Variants in CLTCL1 observed in about 807,000 individuals in gnomAD.
The protein encoded by CLTCL1 is clathrin heavy chain 2.
In CLTCL1, 159 loss-of-function variants were observed where a neutral mutation model predicts 190.0. The ratio of observed to expected loss-of-function variants is 0.84; its 90% confidence interval spans 0.74 to 0.95. The LOEUF (loss-of-function observed/expected upper bound fraction) is 0.95. CLTCL1 is among the 40% of genes least tolerant of loss of function. CLTCL1 has a pLI of 0.00. For missense variants in CLTCL1, 1,878 were observed against 2,033.4 expected, an observed-to-expected ratio of 0.92 and a Z score of 1.47; for synonymous variants, 752 against 769.6, an observed-to-expected ratio of 0.98 and a Z score of 0.38.
intron 1 of CLTCL1, among the ~76,000 whole-genome samples, chr22:19,283,135 G>C (rs1416095370): frequency 2.4e-4 from 36 of 151,472 alleles, no homozygotes; most frequent in African/African-American, 8.5e-4. Context: ...GCCTCCCAAA[G>C]TGCTGGGATT....
chr22:19,216,036 T>C (rs1423762068), intron 19 of CLTCL1, 75 bp downstream of exon 19: 2 of 1,449,666 alleles, frequency 1.4e-6, no homozygotes, highest in South Asian at 1.3e-5. Flanking sequence ...CGGTACGAGA[T>C]TGTAACAGAA....
intron 2 of CLTCL1, chr22:19,258,825 C>T (rs192096028): frequency 2.4e-4 from 156 of 646,274 alleles, no homozygotes; most frequent in Admixed American, 5.1e-4. Context: ...AAGCAGGGTA[C>T]CCTTTGGGGA....
At chr22:19,250,023 G>A (rs2086542808) in intron 3 of CLTCL1, 2 of 288,170 alleles carry the variant, frequency 6.9e-6, no homozygotes, top group South Asian at 6.2e-5. Flanking sequence ...GGAGGCCGAG[G>A]TGGGCAGATC....
intron 22 of CLTCL1, among the ~76,000 whole-genome samples, chr22:19,206,783 A>G (rs2085063563): frequency 6.6e-6 from 1 of 152,046 alleles, no homozygotes; most frequent in Admixed American, 6.6e-5. Context: ...TTCCTCCAAG[A>G]AGTGCACTTG....
At chr22:19,183,818 G>A (rs2084222302) in intron 29 of CLTCL1, 4 of 593,270 alleles carry the variant, frequency 6.7e-6, no homozygotes, top group Admixed American at 5.9e-5. Context: ...GCTCTGGAGG[G>A]GACAGGTGGC....
At chr22:19,271,964 C>T (rs1555980900) in intron 2 of CLTCL1, among the ~76,000 whole-genome samples, 1 of 152,144 alleles carries the variant, frequency 6.6e-6, no homozygotes, top group African/African-American at 2.4e-5. Context: ...TAAACATTAG[C>T]TGGGCATGGT....
Position 19,235,904 on chromosome 22 carries a change from AAGG to A in CLTCL1, c.796-38_796-36del, listed in dbSNP as rs781949528. On this transcript the variant is annotated intron_variant, in intron 5 of 32. Transcript: ENST00000427926. ...GACAGAGAGCAAGAGGTTGGAAAGT[AAGG>A]AGGAGAAGCCATGCGGGTAAAAAGA... 205 of 1,568,256 alleles carry A rather than the reference AAGG, an allele frequency of 1.3e-4. 1 individual carries two copies. In the South Asian group the frequency reaches 2.2e-3, roughly 17 times the overall value.
intron 1 of CLTCL1, among the ~76,000 whole-genome samples, chr22:19,281,290 G>A (rs868908210): frequency 1.0e-3 from 80 of 76,836 alleles, no homozygotes; most frequent in African/African-American, 4.7e-3. Flanking sequence ...GCGAGACCCT[G>A]TCTCAAAAAA....
intron 22 of CLTCL1, among the ~76,000 whole-genome samples, chr22:19,205,443 G>A (rs765844630): frequency 2.0e-5 from 3 of 152,206 alleles, no homozygotes; most frequent in Non-Finnish European, 4.4e-5. Flanking sequence ...TCAGGAGGTC[G>A]AGGATGCAGT....
intron 3 of CLTCL1, 81 bp from the exon 4 acceptor site, chr22:19,243,017 T>C: frequency 7.3e-7 from 1 of 1,364,616 alleles, no homozygotes; most frequent in African/African-American, 1.5e-5. Context: ...ATTTCTAAAA[T>C]GAAAGTCTCA....
chr22:19,270,175 A>C (rs2087261908), intron 2 of CLTCL1, among the ~76,000 whole-genome samples: 1 of 152,226 alleles, frequency 6.6e-6, no homozygotes, highest in Admixed American at 6.5e-5. Context: ...TATAACATGG[A>C]TGGACCTCAA....
intron 2 of CLTCL1, chr22:19,258,532 A>G: frequency 1.8e-6 from 1 of 559,222 alleles, no homozygotes. Context: ...GAGCAGCTCA[A>G]CAGGGTCCTA....
In CLTCL1 at chr22:19,186,942, C is replaced by CTT. The variant is rs34819932; in HGVS notation, c.4605+614_4605+615dup. On this transcript the variant is annotated intron_variant, in intron 29 of 32. Transcript: ENST00000427926. Reference sequence around the variant, plus strand: ...ATTTAGGTTTTTAAATTCCTCAAATCTTTTTTTTTTTTTGGAGACAGGGTC... The same window carrying CTT: ...ATTTAGGTTTTTAAATTCCTCAAATCTTTTTTTTTTTTTTTGGAGACAGGGTC... Among the ~76,000 whole-genome samples, 424 of 145,066 alleles carry CTT rather than the reference C, an allele frequency of 2.9e-3. 1 individual carries two copies. Among genetic ancestry groups the CTT allele is most frequent in the Admixed American group, 4.4e-3 (64 of 14,518 alleles).
intron 29 of CLTCL1, among the ~76,000 whole-genome samples, chr22:19,186,210 G>A (rs1004913328): frequency 3.9e-5 from 6 of 152,256 alleles, no homozygotes; most frequent in African/African-American, 1.4e-4. Context: ...AATGCCTAAG[G>A]CCAACTCCGT....
chr22:19,215,496 A>C (rs557957922), intron 19 of CLTCL1, among the ~76,000 whole-genome samples: 137 of 152,180 alleles, frequency 9.0e-4, no homozygotes, highest in African/African-American at 2.8e-3. Context: ...CATGCAAAAG[A>C]AGCACGCGCT....
rs1555961809 is a variant in CLTCL1 at position 19,235,823 on chromosome 22, T to C, written c.842A>G (p.Tyr281Cys). 5.6e-6 allele frequency: 9 copies of C among 1,613,988 alleles called. No homozygotes were observed. The highest frequency in any genetic ancestry group is 1.3e-5 in the African/African-American group (1 of 75,026). Residue 281 changes from tyrosine to cysteine, a missense_variant, in exon 6 of 33, where the codon TAT becomes TGT. By Grantham distance (194) the Tyr-to-Cys change is radical (BLOSUM62 -2). Transcript: ENST00000427926. ...AGACTCTAGGTCGTACAGATGAAGA[T>C]AGCCATACTTTGTGATCAAGTAAAT... is the stretch of plus-strand genomic sequence containing the variant. The part of the protein sequence containing the change: ...GVIYLITKYG[Y>C]LHLYDLESGV...
chr22:19,180,102 C>G lies in CLTCL1; in HGVS notation c.*20+97G>C, dbSNP rs1601410048. On this transcript the variant is annotated intron_variant, in intron 32 of 32. Transcript: ENST00000427926. The stretch of plus-strand genomic sequence containing the variant: ...AGCCCTTACCACCCAGACGCTGAGG[C>G]CCCAAGAGAGCAGGCATCCAGAGGC... The G allele has an allele frequency of 2.8e-5, 30 of 1,078,000 alleles. No homozygotes were observed. The Middle Eastern group carries it at 6.1e-4, about 22-fold the overall frequency. The allele number at this position is 1,078,000 out of a possible 1,614,324, so 66.8% of individuals were successfully genotyped here.
chr22:19,254,365 C>T, intron 2 of CLTCL1, 138 bp from the exon 3 acceptor site: 3 of 729,440 alleles, frequency 4.1e-6, no homozygotes, highest in Non-Finnish European at 6.6e-6. Context: ...CTGAAAGATG[C>T]TGCCAGAGTA....
At chr22:19,278,341 C>T (rs1555984579) in intron 1 of CLTCL1, among the ~76,000 whole-genome samples, 1 of 150,484 alleles carries the variant, frequency 6.6e-6, no homozygotes. Context: ...TTGTGGCAGG[C>T]GAAGTCATGA....
Sources: gnomAD v4.1 joint callset for allele counts (sites outside exome capture counted in the v4.1 genomes callset) on GRCh38, gnomAD v4.1.1 for gene constraint, MANE v1.5 for transcripts, NCBI Gene and HGNC (gene_info 2026-07-23, HGNC 2026-07-21) for gene names.